KIF18A: variants seen among roughly 807,000 people sequenced by gnomAD.
KIF18A encodes the protein kinesin-like protein KIF18A.
In KIF18A, 67 loss-of-function variants were observed where a neutral mutation model predicts 103.3. The ratio of observed to expected loss-of-function variants is 0.65; its 90% CI spans 0.53 to 0.79. The LOEUF (loss-of-function observed/expected upper bound fraction) is 0.79. Among genes scored for constraint, KIF18A ranks in the 30% least tolerant of loss-of-function variants. The pLI is 0.00. For missense variants in KIF18A, 1,032 were observed against 1,062.5 expected, an observed-to-expected ratio of 0.97 and a Z score of 0.40; for synonymous variants, 367 against 355.5, an observed-to-expected ratio of 1.03 and a Z score of -0.36.
chr11:28,091,547 T>TAAAAA, intron 3 of KIF18A, 34 bp from the exon 4 acceptor site: 1 of 921,180 alleles, frequency 1.1e-6, no homozygotes, highest in African/African-American at 1.7e-5. Flanking sequence ...AGCATTGATG[T>TAAAAA]AAAAAAAAAA....
chr11:28,087,142 T>C (rs1851239192), intron 6 of KIF18A, among the ~76,000 whole-genome samples: 1 of 152,212 alleles, frequency 6.6e-6, no homozygotes, highest in Non-Finnish European at 1.5e-5. Flanking sequence ...GTTTCTTACA[T>C]AGGTATACAT....
chr11:28,088,829 AAAC>A, intron 5 of KIF18A, 108 bp from the exon 6 acceptor site: 2 of 829,372 alleles, frequency 2.4e-6, no homozygotes, highest in South Asian at 1.7e-5. Flanking sequence ...TCATTTTAAA[AAAC>A]AACTGAACAA....
intron 9 of KIF18A, among the ~76,000 whole-genome samples, chr11:28,079,927 A>G (rs557680999): frequency 6.6e-6 from 1 of 152,216 alleles, no homozygotes; most frequent in African/African-American, 2.4e-5. Flanking sequence ...CTTTCTTTTT[A>G]AAAATTTACC....
chr11:28,088,495 T>G (rs1299547339), intron 6 of KIF18A, 29 bp downstream of exon 6: 1 of 1,560,292 alleles, frequency 6.4e-7, no homozygotes, highest in Non-Finnish European at 8.8e-7. Flanking sequence ...TATTTCAAAC[T>G]ATTTAACAAA....
At chr11:28,035,584 C>T in intron 14 of KIF18A, 90 bp from the exon 15 acceptor site, 1 of 625,296 alleles carries the variant, frequency 1.6e-6, no homozygotes, top group South Asian at 3.8e-5. Flanking sequence ...ATTAGAAAAC[C>T]ATTTGGTATT....
intron 13 of KIF18A, chr11:28,056,906 C>G (rs527676052): frequency 2.6e-6 from 1 of 389,254 alleles, no homozygotes; most frequent in Non-Finnish European, 5.1e-6. Flanking sequence ...AAAATGGACT[C>G]TAGTTGGGAG....
Position 28,062,391 on chromosome 11 carries a change from T to C in KIF18A, c.1712+4A>G. The C allele has an allele frequency of 6.2e-7, 1 of 1,603,738 alleles. No individual in the cohort carries two copies. The highest frequency in any genetic ancestry group is 2.3e-5 in the East Asian group (1 of 44,414). ...TTGGAAAATAGGTAAATGTATGTAC[T>C]CACGCTTCAGTCTGCCTGTGTTGCT... On this transcript the variant is annotated splice_donor_region_variant and intron_variant, in intron 12 of 16. Coordinates refer to ENST00000263181, the MANE Select transcript of KIF18A (RefSeq NM_031217.4).
At chr11:28,106,777 C>A (rs946034097) in intron 1 of KIF18A, among the ~76,000 whole-genome samples, 1 of 152,002 alleles carries the variant, frequency 6.6e-6, no homozygotes, top group African/African-American at 2.4e-5. Flanking sequence ...TCGAGACCAG[C>A]CTGGCCAACA....
intron 16 of KIF18A, among the ~76,000 whole-genome samples, 167 bp downstream of exon 16, chr11:28,023,574 T>C (rs1187460628): frequency 6.6e-6 from 1 of 152,192 alleles, no homozygotes; most frequent in African/African-American, 2.4e-5. Flanking sequence ...CTTTTGTGTT[T>C]TAAAGTTTCC....
intron 15 of KIF18A, among the ~76,000 whole-genome samples, chr11:28,030,921 A>T (rs530760283): frequency 3.3e-5 from 5 of 151,694 alleles, no homozygotes; most frequent in Non-Finnish European, 1.5e-5. Flanking sequence ...GCCAAAAAAC[A>T]CATGAAAAAA....
intron 11 of KIF18A, among the ~76,000 whole-genome samples, chr11:28,063,269 G>C (rs1850878459): frequency 6.6e-6 from 1 of 152,006 alleles, no homozygotes; most frequent in Non-Finnish European, 1.5e-5. Context: ...TGGATCAGAT[G>C]ATCTCTTCAG....
In KIF18A at chr11:28,091,183, T is replaced by C. The variant is rs533437111; in HGVS notation, c.588+226A>G. Among the ~76,000 whole-genome samples the C allele has an allele frequency of 8.6e-5, 13 of 151,974 alleles. No homozygotes were observed. The East Asian group carries it at 2.5e-3, about 29-fold the overall frequency. On this transcript the variant is annotated intron_variant, in intron 4 of 16. Coordinates refer to ENST00000263181, the MANE Select transcript of KIF18A (RefSeq NM_031217.4). ...ATACATACATACATACATACATACA[T>C]ACGTAGATTAAAATTTAAAAATAAA...
At chr11:28,104,709 G>A (rs559622342) in intron 1 of KIF18A, among the ~76,000 whole-genome samples, 8 of 152,228 alleles carry the variant, frequency 5.3e-5, no homozygotes, top group African/African-American at 1.7e-4. Flanking sequence ...GTGAGAGCAC[G>A]GAGTTCATCT....
At chr11:28,081,139 T>C (rs756636336) in intron 9 of KIF18A, among the ~76,000 whole-genome samples, 2 of 152,096 alleles carry the variant, frequency 1.3e-5, no homozygotes, top group African/African-American at 2.4e-5. Context: ...AAAAAAGCCT[T>C]CTCTAGAACA....
At chr11:28,104,662 T>C (rs1851484321) in intron 1 of KIF18A, among the ~76,000 whole-genome samples, 1 of 152,202 alleles carries the variant, frequency 6.6e-6, no homozygotes, top group African/African-American at 2.4e-5. Context: ...TCTGGTTACA[T>C]ATTTATTGCT....
At chr11:28,106,957 C>T (rs1430731015) in intron 1 of KIF18A, among the ~76,000 whole-genome samples, 2 of 152,040 alleles carry the variant, frequency 1.3e-5, no homozygotes, top group African/African-American at 2.4e-5. Flanking sequence ...GACCACAGAG[C>T]GAGACTCTGT....
In KIF18A at chr11:28,021,277, T is replaced by C. The variant is rs1850239396; in HGVS notation, c.2620A>G (p.Lys874Glu). 4.8e-6 allele frequency: 7 copies of C among 1,463,466 alleles called. No homozygotes were observed. Among genetic ancestry groups the C allele is most frequent in the Non-Finnish European group, 5.5e-6 (6 of 1,098,442 alleles). 90.7% of individuals were successfully genotyped at this position (1,463,466 alleles called of 1,614,324 possible). ...GGATTTATTTTACAGATGTTTCTTT[T>C]ATGTTCTAGAGAAGAAATAAAAAGA... The part of the protein sequence containing the change: ...LQENKPTMEH[K>E]RNICKINPSM... Residue 874 changes from lysine to glutamate, a missense_variant, in exon 17 of 17, where the codon AAA becomes GAA. By Grantham distance (56) the Lys-to-Glu change is moderately conservative. Transcript: ENST00000263181.
chr11:28,046,153 A>G (rs1850630443), intron 13 of KIF18A, among the ~76,000 whole-genome samples: 2 of 152,060 alleles, frequency 1.3e-5, no homozygotes, highest in Admixed American at 1.3e-4. Context: ...TCAGGGATCT[A>G]GAACTAGAAG....
chr11:28,075,950 C>G (rs929810021), intron 10 of KIF18A, among the ~76,000 whole-genome samples: 1 of 151,798 alleles, frequency 6.6e-6, no homozygotes, highest in African/African-American at 2.4e-5. Flanking sequence ...ACTTTTTTTT[C>G]TTACCCCAGG....
Sources: allele counts gnomAD v4.1 joint callset (sites outside exome capture counted in the v4.1 genomes callset), GRCh38; gene constraint gnomAD v4.1.1; transcripts MANE v1.5; gene names NCBI Gene and HGNC (gene_info 2026-07-23, HGNC 2026-07-21).